Variants in NCEH1 observed in about 807,000 individuals in gnomAD.
NCEH1 encodes neutral cholesterol ester hydrolase 1.
Under a neutral mutation model 25.4 loss-of-function variants are expected in NCEH1, and 9 were observed. The ratio of observed to expected loss-of-function variants is 0.35; its 90% CI spans 0.21 to 0.62. The LOEUF is 0.62. Among genes scored for constraint, NCEH1 ranks in the 20% least tolerant of loss-of-function variants. NCEH1 has a pLI of 0.72. For missense variants in NCEH1, 412 were observed against 501.1 expected (o/e 0.82, Z 1.70); for synonymous variants, 200 against 199.8 (o/e 1.00, Z -0.01).
chr3:172,659,545 C>T (rs997839289), intron 1 of NCEH1, among the ~76,000 whole-genome samples: 5 of 152,148 alleles, frequency 3.3e-5, no homozygotes, highest in Admixed American at 1.3e-4. Flanking sequence ...GTGAGTGGCC[C>T]GGTCCCCTAG....
intron 1 of NCEH1, among the ~76,000 whole-genome samples, chr3:172,701,477 T>G (rs1029572711): frequency 8.9e-6 from 1 of 112,200 alleles, no homozygotes; most frequent in Admixed American, 8.5e-5. Flanking sequence ...AAAGACGGAG[T>G]CTCCCTCTAT....
At chr3:172,674,443 C>CA (rs146923940) in intron 1 of NCEH1, among the ~76,000 whole-genome samples, 4,495 of 68,784 alleles carry the variant, frequency 0.065, 39 homozygotes, top group Non-Finnish European at 0.096. Context: ...ACTCTGTCTC[C>CA]AAAAAAAAAA....
chr3:172,702,342 G>C (rs1713744879), intron 1 of NCEH1, among the ~76,000 whole-genome samples: 1 of 152,162 alleles, frequency 6.6e-6, no homozygotes, highest in South Asian at 2.1e-4. Flanking sequence ...ACTCAACCTT[G>C]ACATCTCAGA....
At chr3:172,708,865 G>GT (rs1325200728) in intron 1 of NCEH1, among the ~76,000 whole-genome samples, 4 of 152,182 alleles carry the variant, frequency 2.6e-5, no homozygotes, top group Non-Finnish European at 5.9e-5. Flanking sequence ...CTACAAGGTA[G>GT]TTTTTTGCCC....
chr3:172,634,699 C>G (rs1716526251), intron 4 of NCEH1, among the ~76,000 whole-genome samples: 1 of 152,258 alleles, frequency 6.6e-6, no homozygotes, highest in African/African-American at 2.4e-5. Flanking sequence ...CTCAACAGAT[C>G]TCAGTCCCCC....
intron 1 of NCEH1, among the ~76,000 whole-genome samples, chr3:172,692,209 A>T (rs2108529671): frequency 6.6e-6 from 1 of 152,334 alleles, no homozygotes; most frequent in East Asian, 1.9e-4. Flanking sequence ...CAAGAAAGAC[A>T]GACTTAAAGA....
At chr3:172,684,693 C>T (rs1470281682) in intron 1 of NCEH1, among the ~76,000 whole-genome samples, 1 of 152,170 alleles carries the variant, frequency 6.6e-6, no homozygotes, top group African/African-American at 2.4e-5. Context: ...AAACACCCAT[C>T]TTTTGGGCTG....
rs1576781558 is a variant in NCEH1, at chr3:172,699,195, TGCG to T, written c.138+11649_138+11651del. On this transcript the variant is annotated intron_variant, in intron 1 of 4. Coordinates refer to ENST00000475381, the MANE Select transcript of NCEH1 (RefSeq NM_020792.6). Reference sequence around the variant, plus strand: ...TGATTTCTGAGTTGGTATTGAACGATGCGTGGGATATTGCCCAAAGTAAAAGGG... The same window carrying T: ...TGATTTCTGAGTTGGTATTGAACGATTGGGATATTGCCCAAAGTAAAAGGG... 2.0e-5 allele frequency among the ~76,000 whole-genome samples: 3 copies of T among 152,090 alleles called. No homozygotes were observed. In the East Asian group the frequency reaches 5.8e-4, roughly 29 times the overall value.
chr3:172,663,284 T>C (rs1384361375), intron 1 of NCEH1, among the ~76,000 whole-genome samples: 1 of 152,220 alleles, frequency 6.6e-6, no homozygotes, highest in Non-Finnish European at 1.5e-5. Flanking sequence ...AGTGAGTTTC[T>C]TAATCCTGAG....
chr3:172,665,912 G>A (rs908018087), intron 1 of NCEH1, among the ~76,000 whole-genome samples: 1 of 152,218 alleles, frequency 6.6e-6, no homozygotes, highest in Non-Finnish European at 1.5e-5. Flanking sequence ...GGCTAGGAAA[G>A]GGAATTCCCC....
intron 1 of NCEH1, among the ~76,000 whole-genome samples, chr3:172,656,787 C>T (rs943616521): frequency 3.3e-5 from 5 of 152,064 alleles, no homozygotes; most frequent in Non-Finnish European, 7.4e-5. Flanking sequence ...AGTGACTTTT[C>T]AAAGACTGCC....
chr3:172,635,796 G>A (rs1273616684), intron 4 of NCEH1, 120 bp downstream of exon 4: 1 of 807,564 alleles, frequency 1.2e-6, no homozygotes, highest in Non-Finnish European at 2.0e-6. Flanking sequence ...GAACAATTTG[G>A]CCATCTAGTG....
At chr3:172,664,655 G>A (rs183787519) in intron 1 of NCEH1, among the ~76,000 whole-genome samples, 2 of 151,970 alleles carry the variant, frequency 1.3e-5, no homozygotes, top group African/African-American at 2.4e-5. Flanking sequence ...GGCTTTGTTT[G>A]TCTCTTTACT....
intron 1 of NCEH1, among the ~76,000 whole-genome samples, chr3:172,703,464 G>T (rs1489118892): frequency 7.0e-6 from 1 of 143,124 alleles, no homozygotes; most frequent in African/African-American, 2.7e-5. Context: ...GGAGGCGGAG[G>T]TTGCAGTGAG....
chr3:172,633,806 T>C lies in NCEH1; in HGVS notation c.896A>G (p.Asn299Ser). The change falls in exon 5 of 5, where the codon AAC (asparagine) becomes AGC (serine). Residue 299 changes from asparagine to serine, a missense_variant. This residue lies in a region of NCEH1 where 210 missense variants were observed against 258.2 expected (regional missense o/e 0.81). Coordinates refer to ENST00000475381, the MANE Select transcript of NCEH1 (RefSeq NM_020792.6). ...TSLLPASFTK[N>S]YKPVVQTTGN... ...TGTGGTCTGTACAACAGGCTTGTAG[T>C]TCTTTGTGAAGGATGCAGGCAAGAG... 2.5e-6 allele frequency: 4 copies of C among 1,614,184 alleles called. No homozygotes were observed. Among genetic ancestry groups the C allele is most frequent in the Non-Finnish European group, 3.4e-6 (4 of 1,180,028 alleles).
rs1448630911 is a variant in NCEH1 at position 172,648,021 on chromosome 3, C to T, written c.232G>A (p.Ala78Thr). 3 of 1,614,192 alleles carry T rather than the reference C, an allele frequency of 1.9e-6. No individual in the cohort carries two copies. Among genetic ancestry groups the T allele is most frequent in the African/African-American group, 1.3e-5 (1 of 75,050 alleles). The change falls in exon 2 of 5, where the codon GCC becomes ACC. Residue 78 changes from alanine (A) to threonine (T), a missense_variant. Ala to Thr is a moderately conservative substitution (Grantham distance 58). This residue lies in a region of NCEH1 where 178 missense variants were observed against 189.2 expected (regional missense o/e 0.94). Coordinates refer to ENST00000475381, the MANE Select transcript of NCEH1 (RefSeq NM_020792.6). ...TCTGTGTCGGTCACCTTCACTTGGG[C>T]AGAAGACCACGCGCTTTTTTTGCCA... is the stretch of plus-strand genomic sequence containing the variant. The part of the protein sequence containing the change: ...SFGKKSAWSS[A>T]QVKVTDTDFD...
At chr3:172,671,500 T>TACATAC (rs933047237) in intron 1 of NCEH1, among the ~76,000 whole-genome samples, 1 of 114,486 alleles carries the variant, frequency 8.7e-6, no homozygotes, top group East Asian at 2.4e-4. Context: ...TACACACACA[T>TACATAC]ACACATACAC....
rs1422753535 is a variant in NCEH1 at position 172,710,858 on chromosome 3, C to A, written c.127G>T (p.Ala43Ser). The change falls in exon 1 of 5, where the codon GCA (alanine) becomes TCA (serine). Residue 43 changes from alanine (A) to serine (S), a missense_variant. Physicochemically the swap from Ala to Ser is moderately conservative, Grantham distance 99 (BLOSUM62 1). Coordinates refer to ENST00000475381, the MANE Select transcript of NCEH1 (RefSeq NM_020792.6). ...LMLLDATFRG[A>S]QQVSNLIHYL... is the part of the protein sequence containing the mutation. The stretch of plus-strand genomic sequence containing the variant: ...GGGCTGCACCTCACCACTTGCTGTG[C>A]ACCCCGGAAAGTGGCGTCCAGCAGC... The A allele has an allele frequency of 1.9e-6, 3 of 1,614,066 alleles. No individual in the cohort carries two copies. The highest frequency in any genetic ancestry group is 2.5e-6 in the Non-Finnish European group (3 of 1,180,024).
rs889133262 is a variant in NCEH1 at position 172,631,229 on chromosome 3, A to C, written c.*2246T>G. The C allele has an allele frequency of 6.6e-6, 1 of 152,194 alleles. No homozygotes were observed. The highest frequency in any genetic ancestry group is 2.4e-5 in the African/African-American group (1 of 41,452). The allele number at this position is 152,194 out of a possible 1,614,324, so 9.4% of individuals were successfully genotyped here. ...GCTCACAATTCTGGGGAAAATGCCAATTGAAGGAACCCTGCCTATACATTT... is the reference window on the plus strand; with the variant it reads ...GCTCACAATTCTGGGGAAAATGCCACTTGAAGGAACCCTGCCTATACATTT... On this transcript the variant is annotated 3_prime_UTR_variant, in exon 5 of 5. Coordinates refer to ENST00000475381, the MANE Select transcript of NCEH1 (RefSeq NM_020792.6).
Sources: gnomAD v4.1 joint callset for allele counts (sites outside exome capture counted in the v4.1 genomes callset) on GRCh38, gnomAD v4.1.1 for gene constraint, gnomAD v4.1.1 regional missense constraint, MANE v1.5 for transcripts, NCBI Gene and HGNC (gene_info 2026-07-23, HGNC 2026-07-21) for gene names.